PEX13: variants seen among roughly 807,000 people sequenced by gnomAD.
The protein encoded by PEX13 is peroxisomal biogenesis factor 13.
Under a neutral mutation model 34.5 loss-of-function variants are expected in PEX13, and 28 were observed. The ratio of observed to expected loss-of-function variants is 0.81; its 90% CI spans 0.60 to 1.11. PEX13 has a LOEUF of 1.11. Among genes scored for constraint, PEX13 ranks in the 50% most tolerant of loss-of-function variants. PEX13 has a pLI of 0.00. For missense variants in PEX13, 550 were observed against 491.0 expected, an observed-to-expected ratio of 1.12 and a Z score of -1.13; for synonymous variants, 177 against 175.1, an observed-to-expected ratio of 1.01 and a Z score of -0.09.
At chr2:61,021,935 C>T (rs1043304433) in intron 1 of PEX13, among the ~76,000 whole-genome samples, 6 of 152,132 alleles carry the variant, frequency 3.9e-5, no homozygotes, top group Non-Finnish European at 5.9e-5. Context: ...AGCTGAGGGA[C>T]GTGACCATTA....
intron 2 of PEX13, among the ~76,000 whole-genome samples, chr2:61,040,577 G>A (rs902303234): frequency 6.6e-6 from 1 of 151,782 alleles, no homozygotes; most frequent in East Asian, 1.9e-4. Flanking sequence ...CACACACTGG[G>A]GCCTGTCAGG....
chr2:61,030,070 C>A (rs569120586), intron 1 of PEX13, among the ~76,000 whole-genome samples: 9 of 152,166 alleles, frequency 5.9e-5, no homozygotes, highest in African/African-American at 1.7e-4. Context: ...TGAAACCACT[C>A]CCCCACAGAT....
At chr2:61,026,037 A>G (rs981686149) in intron 1 of PEX13, among the ~76,000 whole-genome samples, 3 of 151,568 alleles carry the variant, frequency 2.0e-5, no homozygotes, top group Non-Finnish European at 4.4e-5. Flanking sequence ...TCTCTTCTGG[A>G]ATTGGCCCTG....
At chr2:61,037,234 A>G (rs1484662991) in intron 2 of PEX13, among the ~76,000 whole-genome samples, 1 of 152,244 alleles carries the variant, frequency 6.6e-6, no homozygotes, top group Non-Finnish European at 1.5e-5. Context: ...TAACAAGGAT[A>G]TCCAGGACTT....
At chr2:61,025,118 G>C (rs1428651235) in intron 1 of PEX13, among the ~76,000 whole-genome samples, 5 of 151,936 alleles carry the variant, frequency 3.3e-5, no homozygotes, top group African/African-American at 1.2e-4. Context: ...GCCCAGGCTG[G>C]AGTGCAGTGG....
At chr2:61,034,705 C>G (rs1680507005) in intron 2 of PEX13, among the ~76,000 whole-genome samples, 1 of 152,342 alleles carries the variant, frequency 6.6e-6, no homozygotes, top group African/African-American at 2.4e-5. Context: ...TTGCTCACTA[C>G]TAGTGCAGCA....
intron 2 of PEX13, among the ~76,000 whole-genome samples, chr2:61,036,171 G>A (rs1680531404): frequency 1.3e-5 from 2 of 152,180 alleles, no homozygotes; most frequent in Non-Finnish European, 2.9e-5. Context: ...GTACCGGAAA[G>A]TGATAGGGAG....
chr2:61,048,922 G>A lies in PEX13; in HGVS notation c.*152G>A. The A allele has an allele frequency of 3.0e-6, 2 of 676,498 alleles. No homozygotes were observed. Among genetic ancestry groups the A allele is most frequent in the Non-Finnish European group, 2.5e-6 (1 of 394,092 alleles). The allele number at this position is 676,498 out of a possible 1,614,324, so 41.9% of individuals were successfully genotyped here. On this transcript the variant is annotated 3_prime_UTR_variant, in exon 4 of 4. Transcript: ENST00000295030. ...TAGAAATTATTAAAGTTACACACTAGTATGTTGGTCTGGTGACCTGGTTAC... is the reference window on the plus strand; with the variant it reads ...TAGAAATTATTAAAGTTACACACTAATATGTTGGTCTGGTGACCTGGTTAC...
chr2:61,040,639 C>G (rs1187225317), intron 2 of PEX13, among the ~76,000 whole-genome samples: 2 of 151,488 alleles, frequency 1.3e-5, no homozygotes, highest in Non-Finnish European at 2.9e-5. Context: ...CTAATGTAAA[C>G]GACGAGTTGA....
chr2:61,034,757 G>A (rs1680508054), intron 2 of PEX13, among the ~76,000 whole-genome samples: 1 of 152,234 alleles, frequency 6.6e-6, no homozygotes. Flanking sequence ...ATGGGGCAGG[G>A]CCAGCATCTG....
At chr2:61,048,299 C>T (rs1420383976) in intron 3 of PEX13, among the ~76,000 whole-genome samples, 173 bp from the exon 4 acceptor site, 1 of 152,120 alleles carries the variant, frequency 6.6e-6, no homozygotes, top group Non-Finnish European at 1.5e-5. Flanking sequence ...GAAGAATGGA[C>T]CCTAGAACTG....
In PEX13 at chr2:61,041,285, T is replaced by C. The variant is rs1191513866; in HGVS notation, c.788-4441T>C. Among the ~76,000 whole-genome samples the C allele has an allele frequency of 4.6e-5, 7 of 152,210 alleles. No individual in the cohort carries two copies. The South Asian group carries it at 8.3e-4, about 18-fold the overall frequency. On this transcript the variant is annotated intron_variant, in intron 2 of 3. Coordinates refer to ENST00000295030, the MANE Select transcript of PEX13 (RefSeq NM_002618.4). ...TTGAGCCTGAAGTGAGCTGAGATTGTACCACTGTACTCCAGTTTGGGTGAC... is the reference window on the plus strand; with the variant it reads ...TTGAGCCTGAAGTGAGCTGAGATTGCACCACTGTACTCCAGTTTGGGTGAC...
chr2:61,048,809 A>T lies in PEX13; in HGVS notation c.*39A>T. On this transcript the variant is annotated 3_prime_UTR_variant, in exon 4 of 4. Transcript: ENST00000295030. ...TGCCTGCAGTTGAACAATACTTTAG[A>T]GTACTTTTTAAAATTATTTCTCACA... is the stretch of plus-strand genomic sequence containing the variant. 6.7e-7 allele frequency: 1 copy of T among 1,484,638 alleles called. No homozygotes were observed. Among genetic ancestry groups the T allele is most frequent in the South Asian group, 1.1e-5 (1 of 87,238 alleles). 92.0% of individuals were successfully genotyped at this position (1,484,638 alleles called of 1,614,324 possible). A position where few individuals can be genotyped will look rare whatever the true frequency, so the allele number is the denominator to read the frequency against.
intron 2 of PEX13, among the ~76,000 whole-genome samples, chr2:61,035,612 G>A (rs1395753505): frequency 6.6e-6 from 1 of 152,168 alleles, no homozygotes; most frequent in African/African-American, 2.4e-5. Flanking sequence ...AATAAAGAGT[G>A]TACAGAAGAC....
chr2:61,035,541 T>G (rs1426794297), intron 2 of PEX13, among the ~76,000 whole-genome samples: 1 of 152,204 alleles, frequency 6.6e-6, no homozygotes, highest in African/African-American at 2.4e-5. Flanking sequence ...AAGGAGCATG[T>G]TCTAACCCAT....
At chr2:61,027,674 G>A (rs544965064) in intron 1 of PEX13, among the ~76,000 whole-genome samples, 12 of 152,282 alleles carry the variant, frequency 7.9e-5, no homozygotes, top group South Asian at 4.2e-4. Flanking sequence ...GAGTAGGCCC[G>A]TAGCTTCAGC....
intron 1 of PEX13, among the ~76,000 whole-genome samples, chr2:61,030,477 C>T (rs901388043): frequency 6.6e-6 from 1 of 152,064 alleles, no homozygotes; most frequent in African/African-American, 2.4e-5. Flanking sequence ...GGTGATTTTG[C>T]TGTCTAAAAT....
At chr2:61,027,060 C>T (rs1227919088) in intron 1 of PEX13, among the ~76,000 whole-genome samples, 2 of 151,762 alleles carry the variant, frequency 1.3e-5, no homozygotes, top group Non-Finnish European at 2.9e-5. Context: ...TGGTGGCTCA[C>T]ACCTGTAATC....
chr2:61,027,299 A>T (rs549155838), intron 1 of PEX13, among the ~76,000 whole-genome samples: 20 of 149,988 alleles, frequency 1.3e-4, no homozygotes, highest in African/African-American at 4.4e-4. Flanking sequence ...TGATTGCACC[A>T]CTGAACTCCA....
Sources: allele counts gnomAD v4.1 joint callset (sites outside exome capture counted in the v4.1 genomes callset), GRCh38; gene constraint gnomAD v4.1.1; transcripts MANE v1.5; gene names NCBI Gene and HGNC (gene_info 2026-07-23, HGNC 2026-07-21).